Variants in NRXN1 observed in about 807,000 individuals in gnomAD.
NRXN1 encodes neurexin 1, also known as neurexin-1.
A neutral mutation model predicts 150.9 loss-of-function variants in NRXN1; 39 were observed. The observed-to-expected ratio is 0.26, with a 90% CI of 0.20 to 0.34. NRXN1 has a LOEUF of 0.34. NRXN1 is among the 10% of genes least tolerant of loss of function. NRXN1 has a pLI of 1.00. For synonymous variants in NRXN1, 924 were observed against 757.0 expected (o/e 1.22, Z -3.62); for missense variants, 1,815 against 1,949.9 (o/e 0.93, Z 1.30).
chr2:50,686,754 GC>G lies in NRXN1; in HGVS notation c.833-63140del, dbSNP rs1191885796. ...TTAAAGGTAACGGGTAGAGACTGTT[GC>G]CAAGTCAATGAAGCAAAGACTTTCT... On this transcript the variant is annotated intron_variant, in intron 5 of 22. Coordinates refer to ENST00000401669, the MANE Select transcript of NRXN1 (RefSeq NM_001330078.2). Among the ~76,000 whole-genome samples, 5 of 152,270 alleles carry G rather than the reference GC, an allele frequency of 3.3e-5. No homozygotes were observed. The East Asian group carries it at 7.7e-4, about 24-fold the overall frequency.
rs950246135 is a variant in NRXN1 at position 51,031,135 on chromosome 2, C to G, written c.-922+846G>C. ...TTGGAGGAAGCTCATTGTATGTGAG[C>G]GAGTATCTGTATTTATATGGAGAAA... is the stretch of plus-strand genomic sequence containing the variant. On this transcript the variant is annotated intron_variant, in intron 1 of 22. Coordinates refer to ENST00000401669, the MANE Select transcript of NRXN1 (RefSeq NM_001330078.2). Among the ~76,000 whole-genome samples, 16 of 151,844 alleles carry G rather than the reference C, an allele frequency of 1.1e-4. No individual in the cohort carries two copies. In the South Asian group the frequency reaches 3.1e-3, roughly 30 times the overall value.
At chr2:50,328,218 G>T (rs995073263) in intron 17 of NRXN1, among the ~76,000 whole-genome samples, 1 of 146,082 alleles carries the variant, frequency 6.8e-6, no homozygotes. Context: ...AATTTTTTTT[G>T]TTTTTTTTTT....
intron 12 of NRXN1, among the ~76,000 whole-genome samples, chr2:50,521,397 A>C (rs1209899253): frequency 6.6e-6 from 1 of 152,214 alleles, no homozygotes; most frequent in Non-Finnish European, 1.5e-5. Flanking sequence ...AACTCAAAGA[A>C]CAAGTAATAA....
chr2:50,356,440 T>C (rs544016731), intron 17 of NRXN1, among the ~76,000 whole-genome samples: 51 of 152,334 alleles, frequency 3.3e-4, no homozygotes, highest in African/African-American at 1.2e-3. Flanking sequence ...ATATATGACC[T>C]CTGAGGCATT....
chr2:50,145,526 C>T (rs17505397), intron 18 of NRXN1, among the ~76,000 whole-genome samples: 15,648 of 151,692 alleles, frequency 0.1, 935 homozygotes, highest in Middle Eastern at 0.2. Context: ...TATCTTCACG[C>T]TATCTCCCCC....
At chr2:50,975,569 C>A (rs1695690311) in intron 2 of NRXN1, among the ~76,000 whole-genome samples, 1 of 152,114 alleles carries the variant, frequency 6.6e-6, no homozygotes, top group African/African-American at 2.4e-5. Context: ...ATGTTCACCT[C>A]TGCCTTTGAG....
chr2:50,676,618 T>C (rs968203846), intron 5 of NRXN1, among the ~76,000 whole-genome samples: 3 of 152,154 alleles, frequency 2.0e-5, no homozygotes, highest in Non-Finnish European at 4.4e-5. Context: ...GGCAGCACCA[T>C]GCATATGCTA....
chr2:50,575,253 T>C (rs1022032957), intron 8 of NRXN1, among the ~76,000 whole-genome samples: 17 of 152,198 alleles, frequency 1.1e-4, no homozygotes, highest in African/African-American at 3.6e-4. Context: ...AACTCAGTAA[T>C]TGAGCTTCAC....
intron 9 of NRXN1, 46 bp from the exon 10 acceptor site, chr2:50,538,682 C>T (rs1175425282): frequency 1.0e-5 from 14 of 1,388,818 alleles, no homozygotes; most frequent in East Asian, 7.5e-5. Flanking sequence ...AAAGCACCAA[C>T]GTGTTATAAT....
At chr2:50,417,530 C>T (rs2083631875) in intron 17 of NRXN1, among the ~76,000 whole-genome samples, 1 of 151,834 alleles carries the variant, frequency 6.6e-6, no homozygotes, top group African/African-American at 2.4e-5. Context: ...TGCTGTATCC[C>T]TGACATTCTG....
intron 13 of NRXN1, among the ~76,000 whole-genome samples, chr2:50,500,929 T>C (rs1413384643): frequency 6.6e-6 from 1 of 152,106 alleles, no homozygotes; most frequent in East Asian, 1.9e-4. Context: ...ATTGGAGAAA[T>C]AGTGTTGAGA....
At position 50,181,274 on chromosome 2, in the gene NRXN1, A is replaced by G. The variant is rs560639723; in HGVS notation, c.3546+55515T>C. Among the ~76,000 whole-genome samples the G allele has an allele frequency of 6.6e-5, 10 of 151,876 alleles. No homozygotes were observed. In the East Asian group the frequency reaches 1.9e-3, roughly 29 times the overall value. ...AACCTATGTATTGCAATTAATTGACAAATAAAATATTGAGACATGGGCTTT... is the reference window on the plus strand; with the variant it reads ...AACCTATGTATTGCAATTAATTGACGAATAAAATATTGAGACATGGGCTTT... On this transcript the variant is annotated intron_variant, in intron 18 of 22. Coordinates refer to ENST00000401669, the MANE Select transcript of NRXN1 (RefSeq NM_001330078.2).
chr2:50,680,140 A>G (rs898616219), intron 5 of NRXN1, among the ~76,000 whole-genome samples: 5 of 151,928 alleles, frequency 3.3e-5, no homozygotes, highest in African/African-American at 4.8e-5. Flanking sequence ...CAGAGCAAAG[A>G]CCCTGTCTCA....
At chr2:50,265,283 AT>A in intron 17 of NRXN1, among the ~76,000 whole-genome samples, 1 of 152,260 alleles carries the variant, frequency 6.6e-6, no homozygotes, top group East Asian at 1.9e-4. Context: ...CTGATCTTGA[AT>A]TCCCAGAAAC....
At chr2:50,614,733 CAAAAAAAA>C (rs33968907) in intron 8 of NRXN1, among the ~76,000 whole-genome samples, 3 of 98,272 alleles carry the variant, frequency 3.1e-5, no homozygotes, top group East Asian at 3.5e-4. Context: ...ATCAGCCATT[CAAAAAAAA>C]AAAAAAAAAA....
chr2:50,324,693 C>T (rs2076273990), intron 17 of NRXN1, among the ~76,000 whole-genome samples: 1 of 152,218 alleles, frequency 6.6e-6, no homozygotes, highest in African/African-American at 2.4e-5. Context: ...AGGCGCCCGC[C>T]ATCGCGCCCG....
At chr2:50,399,096 A>G (rs921515541) in intron 17 of NRXN1, among the ~76,000 whole-genome samples, 1 of 152,190 alleles carries the variant, frequency 6.6e-6, no homozygotes, top group Non-Finnish European at 1.5e-5. Flanking sequence ...TTATTCTACT[A>G]ACCCTCTGTT....
intron 17 of NRXN1, among the ~76,000 whole-genome samples, chr2:50,254,142 G>A (rs1005382628): frequency 1.3e-5 from 2 of 151,816 alleles, no homozygotes; most frequent in African/African-American, 4.9e-5. Flanking sequence ...TTTAGTCTTG[G>A]GAGGGTGTAT....
intron 18 of NRXN1, among the ~76,000 whole-genome samples, chr2:50,161,817 G>A (rs1341913547): frequency 6.6e-6 from 1 of 152,084 alleles, no homozygotes; most frequent in Non-Finnish European, 1.5e-5. Flanking sequence ...AAGTTGCTCA[G>A]TAAAATTTGT....
Sources: gnomAD v4.1 joint callset for allele counts (sites outside exome capture counted in the v4.1 genomes callset) on GRCh38, gnomAD v4.1.1 for gene constraint, MANE v1.5 for transcripts, NCBI Gene and HGNC (gene_info 2026-07-23, HGNC 2026-07-21) for gene names.